The following ATF3 variants were observed in gnomAD, a reference collection of about 807,000 sequenced individuals.
ATF3 encodes cyclic AMP-dependent transcription factor ATF-3.
Under a neutral mutation model 18.4 loss-of-function variants are expected in ATF3, and 10 were observed. The observed-to-expected ratio is 0.54, with a 90% CI of 0.34 to 0.92. ATF3 has a LOEUF of 0.92. Among genes scored for constraint, ATF3 ranks in the 40% least tolerant of loss-of-function variants. The probability of loss-of-function intolerance (pLI) is 0.02; values close to 1 mark genes in which losing one functional copy is unlikely to be tolerated. For synonymous variants in ATF3, 78 were observed against 87.9 expected, an observed-to-expected ratio of 0.89 and a Z score of 0.63; for missense variants, 183 against 222.3, an observed-to-expected ratio of 0.82 and a Z score of 1.12.
At chr1:212,600,779 G>A (rs1654458681) in intron 1 of ATF3, among the ~76,000 whole-genome samples, 1 of 152,156 alleles carries the variant, frequency 6.6e-6, no homozygotes, top group Admixed American at 6.5e-5. Flanking sequence ...GTGAGCACCT[G>A]GAAGGCAGAT....
At position 212,619,726 on chromosome 1, in the gene ATF3, C is replaced by G; in HGVS notation, c.*171C>G. On this transcript the variant is annotated 3_prime_UTR_variant, in exon 4 of 4. Transcript: ENST00000341491. The surrounding 1 kb of genome is among the most constrained non-coding windows in gnomAD (Gnocchi z 4.4). The stretch of plus-strand genomic sequence containing the variant: ...ATTCAGCAGGCCCTTCCCATTCTGC[C>G]CCAGAGTGGGTCTTGGACCAGGGCA... 1 of 868,316 alleles carries G rather than the reference C, an allele frequency of 1.2e-6. No individual in the cohort carries two copies. Among genetic ancestry groups the G allele is most frequent in the Non-Finnish European group, 1.7e-6 (1 of 578,146 alleles). The allele number at this position is 868,316 out of a possible 1,614,324, so 53.8% of individuals were successfully genotyped here.
At chr1:212,573,869 CTT>C (rs979123806) in intron 1 of ATF3, among the ~76,000 whole-genome samples, 52 of 151,606 alleles carry the variant, frequency 3.4e-4, no homozygotes, top group Middle Eastern at 3.4e-3. Context: ...AAAGTATTGT[CTT>C]ATATTTAAAA....
At chr1:212,585,316 G>A (rs917559437) in intron 1 of ATF3, among the ~76,000 whole-genome samples, 1 of 152,038 alleles carries the variant, frequency 6.6e-6, no homozygotes, top group Non-Finnish European at 1.5e-5. Flanking sequence ...CCTTGCCCCC[G>A]TGCCCAGTCC....
At chr1:212,576,035 C>T (rs1664570790) in intron 1 of ATF3, among the ~76,000 whole-genome samples, 1 of 152,028 alleles carries the variant, frequency 6.6e-6, no homozygotes, top group Non-Finnish European at 1.5e-5. Context: ...GAATTTTTGT[C>T]GTTTAAAGCA....
At chr1:212,599,489 C>T (rs989584535) in intron 1 of ATF3, among the ~76,000 whole-genome samples, 2 of 152,106 alleles carry the variant, frequency 1.3e-5, no homozygotes, top group Non-Finnish European at 2.9e-5. Flanking sequence ...GGTAATTATC[C>T]GTAAATTTCC....
At chr1:212,576,820 C>T (rs1344370180) in intron 1 of ATF3, among the ~76,000 whole-genome samples, 2 of 144,204 alleles carry the variant, frequency 1.4e-5, no homozygotes, top group Admixed American at 7.0e-5. Flanking sequence ...CTCCGCCTCC[C>T]GGGTTCAAGT....
At position 212,619,253 on chromosome 1, in the gene ATF3, C is replaced by A; in HGVS notation, c.349-105C>A. 1 of 1,610,986 alleles carries A rather than the reference C, an allele frequency of 6.2e-7. No individual in the cohort carries two copies. The highest frequency in any genetic ancestry group is 1.1e-5 in the South Asian group (1 of 90,468). On this transcript the variant is annotated intron_variant, in intron 3 of 3. Coordinates refer to ENST00000341491, the MANE Select transcript of ATF3 (RefSeq NM_001674.4). This position sits in a 1 kb window ranked among gnomAD's most constrained non-coding sequence, Gnocchi z 4.4. ...TCTTCCTCTCGCAGCTTGATGAGCC[C>A]CGGTGTGTCCCAGGTACACCCCTGC...
chr1:212,566,336 T>C (rs1312188568), intron 1 of ATF3, among the ~76,000 whole-genome samples: 1 of 152,166 alleles, frequency 6.6e-6, no homozygotes, highest in Non-Finnish European at 1.5e-5. Context: ...GGCACAAGTT[T>C]GAGTGTCTGG....
At chr1:212,588,895 C>T (rs969767561) in intron 1 of ATF3, among the ~76,000 whole-genome samples, 3 of 152,146 alleles carry the variant, frequency 2.0e-5, no homozygotes, top group Non-Finnish European at 4.4e-5. Flanking sequence ...ATATTTTAGT[C>T]GCCTTCATAC....
intron 1 of ATF3, among the ~76,000 whole-genome samples, chr1:212,576,018 T>C (rs1234683319): frequency 6.6e-6 from 1 of 152,122 alleles, no homozygotes. Flanking sequence ...CCTCCTACCC[T>C]CTGAAAGAAT....
chr1:212,608,737 G>A (rs556835915), upstream of ATF3: 2 of 151,822 alleles, frequency 1.3e-5, no homozygotes, highest in East Asian at 3.9e-4. Flanking sequence ...GCTATAAAAG[G>A]GGTGATGCAA....
At chr1:212,586,504 G>A (rs1178041934) in intron 1 of ATF3, among the ~76,000 whole-genome samples, 1 of 152,212 alleles carries the variant, frequency 6.6e-6, no homozygotes, top group Non-Finnish European at 1.5e-5. Flanking sequence ...CACTAAAGGA[G>A]TATTCGGTGA....
intron 1 of ATF3, among the ~76,000 whole-genome samples, chr1:212,581,853 T>A (rs972414149): frequency 6.6e-6 from 1 of 152,228 alleles, no homozygotes; most frequent in Non-Finnish European, 1.5e-5. Context: ...TTGCATATTC[T>A]TAAGGAAATA....
chr1:212,587,393 T>C lies in ATF3; in HGVS notation c.-5+21910T>C, dbSNP rs147068702. On this transcript the variant is annotated intron_variant, in intron 1 of 3. Coordinates refer to the ATF3 transcript ENST00000366981. The stretch of plus-strand genomic sequence containing the variant: ...ATTGTTTCTATGGGAAAATATGTTT[T>C]GCATTCCAAACAACTGACTTGTGAG... Among the ~76,000 whole-genome samples, 7 of 152,348 alleles carry C rather than the reference T, an allele frequency of 4.6e-5. No individual in the cohort carries two copies. In the East Asian group the frequency reaches 1.2e-3, roughly 25 times the overall value.
intron 1 of ATF3, among the ~76,000 whole-genome samples, chr1:212,575,250 T>G (rs1324058002): frequency 6.6e-6 from 1 of 152,150 alleles, no homozygotes; most frequent in East Asian, 1.9e-4. Context: ...TTTTCTTCTT[T>G]GAGGTCTTTC....
intron 1 of ATF3, among the ~76,000 whole-genome samples, chr1:212,610,845 T>A (rs1457199911): frequency 2.0e-5 from 3 of 152,190 alleles, no homozygotes; most frequent in African/African-American, 7.2e-5. Context: ...TGGAGCAAAA[T>A]GAGCAGTCGG....
At chr1:212,607,857 C>G (rs535261672), upstream of ATF3, among the ~76,000 whole-genome samples, 1 of 152,106 alleles carries the variant, frequency 6.6e-6, no homozygotes, top group South Asian at 2.1e-4. Context: ...TTTTCACGCT[C>G]TTGTTGGTTT....
chr1:212,588,760 C>T (rs1442020665), intron 1 of ATF3, among the ~76,000 whole-genome samples: 4 of 152,210 alleles, frequency 2.6e-5, no homozygotes, highest in African/African-American at 9.6e-5. Flanking sequence ...TGTGTGTATA[C>T]TGCTCATTTC....
chr1:212,590,688 C>G (rs915877085), intron 1 of ATF3, among the ~76,000 whole-genome samples: 4 of 152,174 alleles, frequency 2.6e-5, no homozygotes, highest in Non-Finnish European at 5.9e-5. Flanking sequence ...AATGCGGATA[C>G]TCATTTTGCA....
Sources: gnomAD v4.1 joint callset for allele counts (sites outside exome capture counted in the v4.1 genomes callset) on GRCh38, gnomAD v4.1.1 for gene constraint, Gnocchi (gnomAD v3.1) non-coding constraint, MANE v1.5 for transcripts, NCBI Gene and HGNC (gene_info 2026-07-23, HGNC 2026-07-21) for gene names.